The following GCDH variants were observed in gnomAD, a reference collection of about 807,000 sequenced individuals.
The protein encoded by GCDH is glutaryl-CoA dehydrogenase, also known as glutaryl-CoA dehydrogenase, mitochondrial.
GCDH carries 31 observed loss-of-function variants against 52.8 expected under a neutral mutation model. That is an observed-to-expected ratio of 0.59 (90% confidence interval 0.44 to 0.79). The LOEUF (loss-of-function observed/expected upper bound fraction) is 0.79, where lower values mean the gene tolerates loss of function less well. Among genes scored for constraint, GCDH ranks in the 30% least tolerant of loss-of-function variants. GCDH has a pLI of 0.00. For synonymous variants in GCDH, 242 were observed against 250.0 expected, an observed-to-expected ratio of 0.97 and a Z score of 0.30; for missense variants, 509 against 595.0, an observed-to-expected ratio of 0.86 and a Z score of 1.50.
rs768836114 is a variant in GCDH, at chr19:12,893,487, T to A, written c.339T>A (p.Tyr113Ter). ...TTCCCCTCCTACTACCACCAGGATA[T>A]GGCTGTGCTGGGGTTTCGTCTGTGG... The part of the protein sequence containing the change: ...LGVLGPTIKG[Y>*]GCAGVSSVAY... The change falls in exon 6 of 12, where the codon TAT becomes TAA. Residue 113 changes from tyrosine to a stop codon, truncating the protein, a stop_gained. Coordinates refer to ENST00000222214, the MANE Select transcript of GCDH (RefSeq NM_000159.4). LOFTEE classifies it high-confidence loss of function. The A allele has an allele frequency of 6.2e-7, 1 of 1,613,894 alleles. No individual in the cohort carries two copies. Among genetic ancestry groups the A allele is most frequent in the African/African-American group, 1.3e-5 (1 of 75,034 alleles).
intron 6 of GCDH, chr19:12,893,983 T>C (rs1410073748): frequency 1.7e-6 from 1 of 581,396 alleles, no homozygotes; most frequent in Non-Finnish European, 3.1e-6. Context: ...AGAAGATCCC[T>C]TGAGCCCAAG....
chr19:12,897,667 TC>T (rs1424981950), intron 10 of GCDH, 35 bp from the exon 11 acceptor site: 2 of 1,612,618 alleles, frequency 1.2e-6, no homozygotes, highest in African/African-American at 2.7e-5. Context: ...GATGCCAGGA[TC>T]CCCAGTCCTT....
At chr19:12,892,206 G>A (rs1970575486) in intron 5 of GCDH, 28 bp downstream of exon 5, 2 of 1,576,812 alleles carry the variant, frequency 1.3e-6, no homozygotes, top group Middle Eastern at 1.7e-4. Flanking sequence ...TCCACACACT[G>A]CAGAACCCTC....
chr19:12,899,905 G>T lies in GCDH; in HGVS notation c.*364G>T, dbSNP rs1281856939. 5 of 1,606,534 alleles carry T rather than the reference G, an allele frequency of 3.1e-6. No homozygotes were observed. Among genetic ancestry groups the T allele is most frequent in the Non-Finnish European group, 4.3e-6 (5 of 1,175,590 alleles). Reference sequence around the variant, plus strand: ...CGCCCTCCCTCCCTCCCATCTGGGGGTAGTGCCTTATGCTGGGTGTTGGAG... The same window carrying T: ...CGCCCTCCCTCCCTCCCATCTGGGGTTAGTGCCTTATGCTGGGTGTTGGAG... On this transcript the variant is annotated 3_prime_UTR_variant, in exon 12 of 12. Transcript: ENST00000222214.
In GCDH at chr19:12,891,477, G is replaced by A. The variant is rs1970555071; in HGVS notation, c.92-10G>A. Reference sequence around the variant, plus strand: ...CTTTCCGGGGTGACTTTCCCGTTCTGTGCTTGCAGAGAAAGGCGGGAGAAC... The same window carrying A: ...CTTTCCGGGGTGACTTTCCCGTTCTATGCTTGCAGAGAAAGGCGGGAGAAC... On this transcript the variant is annotated splice_polypyrimidine_tract_variant and intron_variant, in intron 2 of 11. Transcript: ENST00000222214. 1 of 1,614,250 alleles carries A rather than the reference G, an allele frequency of 6.2e-7. No individual in the cohort carries two copies. The highest frequency in any genetic ancestry group is 1.3e-5 in the African/African-American group (1 of 75,062).
intron 10 of GCDH, 98 bp downstream of exon 10, chr19:12,897,526 G>A: frequency 1.3e-6 from 2 of 1,501,336 alleles, no homozygotes; most frequent in Admixed American, 3.4e-5. Flanking sequence ...GGTGGCCCTG[G>A]GGACCTGAAC....
chr19:12,891,607 G>C, intron 3 of GCDH, 85 bp downstream of exon 3: 3 of 1,612,522 alleles, frequency 1.9e-6, no homozygotes, highest in South Asian at 2.2e-5. Flanking sequence ...CAGAATCCGA[G>C]AGCTGCCCGA....
In GCDH at chr19:12,891,936, G is replaced by A. The variant is rs765719260; in HGVS notation, c.233G>A (p.Arg78Lys). ...ACCTTCCGCACCTACTGCCAGGAGA[G>A]ACTCATGCCTCGCATCCTGTTGGCC... is the stretch of plus-strand genomic sequence containing the variant. ...RDTFRTYCQE[R>K]LMPRILLANR... Residue 78 changes from arginine (R) to lysine (K), a missense_variant, in exon 4 of 12, where the codon AGA becomes AAA. Arg to Lys is a conservative substitution (Grantham distance 26). Transcript: ENST00000222214. 10 of 1,614,228 alleles carry A rather than the reference G, an allele frequency of 6.2e-6. No homozygotes were observed. In the Admixed American group the frequency reaches 1.3e-4, roughly 22 times the overall value.
At position 12,892,096 on chromosome 19, in the gene GCDH, G is replaced by T. The variant is rs777676749; in HGVS notation, c.272-20G>T. 2 of 1,613,920 alleles carry T rather than the reference G, an allele frequency of 1.2e-6. No homozygotes were observed. Among genetic ancestry groups the T allele is most frequent in the Admixed American group, 3.3e-5 (2 of 60,000 alleles). On this transcript the variant is annotated intron_variant, in intron 4 of 11. Transcript: ENST00000222214. ...GTGGCCTAGGCCTGGGCCTGAATTTGGGCACTGGTCCCTTTGCAGTTTTTC... is the reference window on the plus strand; with the variant it reads ...GTGGCCTAGGCCTGGGCCTGAATTTTGGCACTGGTCCCTTTGCAGTTTTTC...
intron 11 of GCDH, chr19:12,898,268 G>A (rs113930740): frequency 3.5e-6 from 1 of 286,706 alleles, no homozygotes; most frequent in African/African-American, 2.2e-5. Context: ...GTCATCTTCA[G>A]ATGACGGTGT....
rs367770855 is a variant in GCDH, at chr19:12,896,447, G to C, written c.852+26G>C. On this transcript the variant is annotated intron_variant, in intron 8 of 11. Transcript: ENST00000222214. This position sits in a 1 kb window ranked among gnomAD's most constrained non-coding sequence, Gnocchi z 5.5. ...GTAAGTGGCAGCCACTTTGGGAATG[G>C]GTGTTGGGTCACCTGCGGATGCGGC... is the stretch of plus-strand genomic sequence containing the variant. 9 of 1,564,496 alleles carry C rather than the reference G, an allele frequency of 5.8e-6. No homozygotes were observed. Among genetic ancestry groups the C allele is most frequent in the Middle Eastern group, 1.9e-4 (1 of 5,324 alleles).
chr19:12,899,468 G>A lies in GCDH; in HGVS notation c.1244G>A (p.Gly415Asp). 1 of 1,614,128 alleles carries A rather than the reference G, an allele frequency of 6.2e-7. No individual in the cohort carries two copies. The highest frequency in any genetic ancestry group is 8.5e-7 in the Non-Finnish European group (1 of 1,180,010). ...CCGACTCTGTATTAATCTTGTCCAG[G>A]TACACATGACATTCACGCCCTGATC... ...MNLEAVNTYE[G>D]THDIHALILG... is the part of the protein sequence containing the mutation. Residue 415 changes from glycine (G) to aspartate (D), a missense_variant and splice_region_variant, in exon 12 of 12, where the codon GGT becomes GAT. Transcript: ENST00000222214.
At chr19:12,897,054 C>A (rs1260489973) in intron 9 of GCDH, 41 bp downstream of exon 9, 1 of 1,516,366 alleles carries the variant, frequency 6.6e-7, no homozygotes, top group Admixed American at 1.7e-5. Flanking sequence ...GGGTGTGGGG[C>A]AGCTTGGGTT....
At chr19:12,897,250 C>A in intron 9 of GCDH, 53 bp from the exon 10 acceptor site, 1 of 1,610,828 alleles carries the variant, frequency 6.2e-7, no homozygotes, top group Non-Finnish European at 8.5e-7. Flanking sequence ...AGGACAGGGA[C>A]GGGGTGGGAG....
At position 12,894,029 on chromosome 19, in the gene GCDH, C is replaced by T. The variant is rs879818618; in HGVS notation, c.505+376C>T. On this transcript the variant is annotated intron_variant, in intron 6 of 11. Transcript: ENST00000222214. ...CAGCCTGGGCAACGTAAGGAGACCC[C>T]ATGTCTATTAGAAAAACAAAAAAAG... 1.5e-5 allele frequency: 9 copies of T among 604,878 alleles called. No individual in the cohort carries two copies. In the Admixed American group the frequency reaches 1.8e-4, roughly 12 times the overall value. The allele number at this position is 604,878 out of a possible 1,614,324, so 37.5% of individuals were successfully genotyped here. A position where few individuals can be genotyped will look rare whatever the true frequency, so the allele number is the denominator to read the frequency against.
At chr19:12,891,719 C>A (rs1970560724) in intron 3 of GCDH, 112 bp from the exon 4 acceptor site, 2 of 1,606,032 alleles carry the variant, frequency 1.2e-6, no homozygotes, top group East Asian at 4.5e-5. Context: ...TCGCTTGCAG[C>A]TCGCACTAGC....
intron 11 of GCDH, chr19:12,899,063 A>G (rs1970767514): frequency 4.1e-6 from 2 of 491,990 alleles, no homozygotes; most frequent in Non-Finnish European, 7.4e-6. Context: ...CCTCTGTGGC[A>G]AGGAAGCGTG....
rs771335099 is a variant in GCDH, at chr19:12,896,194, TC to T, written c.636-9del. 5 of 1,613,958 alleles carry T rather than the reference TC, an allele frequency of 3.1e-6. No individual in the cohort carries two copies. In the East Asian group the frequency reaches 8.9e-5, roughly 29 times the overall value. On this transcript the variant is annotated splice_polypyrimidine_tract_variant and intron_variant, in intron 7 of 11. Coordinates refer to ENST00000222214, the MANE Select transcript of GCDH (RefSeq NM_000159.4). This position sits in a 1 kb window ranked among gnomAD's most constrained non-coding sequence, Gnocchi z 5.5. ...ACTGGTCAGACCCCTCACCGACTGTTCCATCCCCAGGATCACGAACTCGCCT... is the reference window on the plus strand; with the variant it reads ...ACTGGTCAGACCCCTCACCGACTGTTCATCCCCAGGATCACGAACTCGCCT...
chr19:12,896,755 G>A lies in GCDH; in HGVS notation c.853-155G>A, dbSNP rs59033408. Among the ~76,000 whole-genome samples the A allele has an allele frequency of 0.012, 1,819 of 152,306 alleles. 39 individuals are homozygous for A. The highest frequency in any genetic ancestry group is 0.041 in the African/African-American group (1,717 of 41,554). ...TGCAAACCGAGTGAGCAGGCACCGA[G>A]CTTCAGTGCCAGGGCCATCTGTGAT... On this transcript the variant is annotated intron_variant, in intron 8 of 11. Transcript: ENST00000222214. The surrounding 1 kb of genome is among the most constrained non-coding windows in gnomAD (Gnocchi z 5.5).
Sources: allele counts gnomAD v4.1 joint callset (sites outside exome capture counted in the v4.1 genomes callset), GRCh38; gene constraint gnomAD v4.1.1; non-coding constraint Gnocchi (gnomAD v3.1); transcripts MANE v1.5; gene names NCBI Gene and HGNC (gene_info 2026-07-23, HGNC 2026-07-21).